The following AKT3 variants were observed in gnomAD, a reference collection of about 807,000 sequenced individuals.
AKT3 encodes RAC-gamma serine/threonine-protein kinase.
Under a neutral mutation model 65.3 loss-of-function variants are expected in AKT3, and 15 were observed. That is an observed-to-expected ratio of 0.23 (90% CI 0.15 to 0.35). AKT3 has a LOEUF of 0.35. AKT3 is among the 10% of genes least tolerant of loss of function. The pLI is 1.00. For synonymous variants in AKT3, 206 were observed against 183.8 expected (o/e 1.12, Z -0.98); for missense variants, 243 against 576.5 (o/e 0.42, Z 5.92).
chr1:243,666,239 A>G lies in AKT3; in HGVS notation c.173-1356T>C, dbSNP rs184464776. ...AGCTGATCTCGAACTCCTGACCTCA[A>G]GTGATCCGCCCGCCTCGGCCTCCCA... is the stretch of plus-strand genomic sequence containing the variant. On this transcript the variant is annotated intron_variant, in intron 3 of 13. Coordinates refer to ENST00000673466, the MANE Select transcript of AKT3 (RefSeq NM_005465.7). 2.8e-4 allele frequency among the ~76,000 whole-genome samples: 43 copies of G among 152,034 alleles called. No homozygotes were observed. In the East Asian group the frequency reaches 7.6e-3, roughly 27 times the overall value.
At chr1:243,845,351 C>T (rs12024229) in intron 1 of AKT3, among the ~76,000 whole-genome samples, 1 of 29,002 alleles carries the variant, frequency 3.4e-5, no homozygotes, top group Non-Finnish European at 7.7e-5. Flanking sequence ...AGTTTGTAAT[C>T]CCAGCACTTT....
At chr1:243,498,398 T>C (rs1668571190), downstream of AKT3, among the ~76,000 whole-genome samples, 1 of 152,146 alleles carries the variant, frequency 6.6e-6, no homozygotes, top group African/African-American at 2.4e-5. Context: ...CAGGAAATTG[T>C]CCACCTGGCT....
intron 12 of AKT3, among the ~76,000 whole-genome samples, chr1:243,543,834 C>T (rs749408459): frequency 4.6e-5 from 7 of 152,076 alleles, no homozygotes; most frequent in African/African-American, 7.2e-5. Flanking sequence ...TGAGTTGAAT[C>T]GAGTAGAGGT....
At chr1:243,689,678 T>C (rs1407677131) in intron 3 of AKT3, among the ~76,000 whole-genome samples, 2 of 152,018 alleles carry the variant, frequency 1.3e-5, no homozygotes, top group Admixed American at 6.5e-5. Flanking sequence ...ACTTTGGTCA[T>C]GCACAGTAGC....
rs550290926 is a variant in AKT3, at chr1:243,560,519, C to T, written c.948+3201G>A. On this transcript the variant is annotated intron_variant, in intron 10 of 13. Coordinates refer to ENST00000673466, the MANE Select transcript of AKT3 (RefSeq NM_005465.7). ...AAGTTGTTTCAAGATTTCTCATACT[C>T]AAATAATAACAACAATAATCACTCT... Among the ~76,000 whole-genome samples, 137 of 152,118 alleles carry T rather than the reference C, an allele frequency of 9.0e-4. 1 individual carries two copies. The highest frequency in any genetic ancestry group is 3.1e-3 in the African/African-American group (127 of 41,532).
chr1:243,736,627 A>G (rs915937985), intron 2 of AKT3, among the ~76,000 whole-genome samples: 8 of 152,322 alleles, frequency 5.3e-5, no homozygotes, highest in Non-Finnish European at 1.5e-5. Context: ...AATGAAGTGA[A>G]TGGTATTATA....
rs750605538 is a variant in AKT3, at chr1:243,664,725, G to C, written c.284+47C>G. The C allele has an allele frequency of 2.2e-5, 20 of 898,276 alleles. No homozygotes were observed. In the South Asian group the frequency reaches 3.6e-4, roughly 16 times the overall value. The allele number at this position is 898,276 out of a possible 1,614,324, so 55.6% of individuals were successfully genotyped here. ...AAAGTCAGATACAAATACATCTTTA[G>C]ATTGAGTGTTGCTTTTTCACAAAAT... On this transcript the variant is annotated intron_variant, in intron 4 of 13. Transcript: ENST00000673466.
chr1:243,701,588 A>G (rs1685462991), intron 2 of AKT3, among the ~76,000 whole-genome samples: 1 of 148,542 alleles, frequency 6.7e-6, no homozygotes, highest in Non-Finnish European at 1.5e-5. Context: ...TTTGAAATTC[A>G]TTTAGTTCAT....
At position 243,709,693 on chromosome 1, in the gene AKT3, G is replaced by A. The variant is rs547703237; in HGVS notation, c.47-13977C>T. 7.2e-4 allele frequency among the ~76,000 whole-genome samples: 109 copies of A among 151,884 alleles called. 1 individual carries two copies. The highest frequency in any genetic ancestry group is 2.6e-3 in the African/African-American group (106 of 41,474). On this transcript the variant is annotated intron_variant, in intron 2 of 13. Transcript: ENST00000673466. ...ACAGTTGAACATACTACAAATTCAGGGAAGGGAATGAAGGTCATTTTATAA... is the reference window on the plus strand; with the variant it reads ...ACAGTTGAACATACTACAAATTCAGAGAAGGGAATGAAGGTCATTTTATAA...
intron 2 of AKT3, among the ~76,000 whole-genome samples, chr1:243,828,112 C>T (rs1210167944): frequency 2.6e-5 from 4 of 151,752 alleles, no homozygotes; most frequent in African/African-American, 7.3e-5. Flanking sequence ...GGCAAGTATC[C>T]CGACTGTCTA....
chr1:243,810,103 CAATT>C (rs1358419299), intron 2 of AKT3, among the ~76,000 whole-genome samples: 2 of 151,674 alleles, frequency 1.3e-5, no homozygotes, highest in African/African-American at 4.8e-5. Flanking sequence ...ACTGACATCA[CAATT>C]AAAAGAACTA....
At chr1:243,562,830 A>G (rs1362306050) in intron 10 of AKT3, among the ~76,000 whole-genome samples, 2 of 152,278 alleles carry the variant, frequency 1.3e-5, no homozygotes, top group East Asian at 1.9e-4. Context: ...GAGACCTCAT[A>G]CATAGTGGAG....
chr1:243,795,461 TG>T (rs1442330142), intron 2 of AKT3, among the ~76,000 whole-genome samples: 33 of 123,076 alleles, frequency 2.7e-4, no homozygotes, highest in African/African-American at 7.0e-4. Flanking sequence ...TTTTTTTTTT[TG>T]TTTTTTTTTT....
At chr1:243,652,601 C>T (rs1681439015) in intron 4 of AKT3, among the ~76,000 whole-genome samples, 1 of 151,808 alleles carries the variant, frequency 6.6e-6, no homozygotes, top group Non-Finnish European at 1.5e-5. Flanking sequence ...ACAATACTAA[C>T]CTTAAATGTA....
At chr1:243,751,115 A>T (rs1324994163) in intron 2 of AKT3, among the ~76,000 whole-genome samples, 1 of 152,010 alleles carries the variant, frequency 6.6e-6, no homozygotes, top group Non-Finnish European at 1.5e-5. Context: ...TCTAATTTAC[A>T]CCAAACTCAA....
intron 12 of AKT3, among the ~76,000 whole-genome samples, chr1:243,533,250 C>A (rs1342497619): frequency 6.6e-6 from 1 of 152,104 alleles, no homozygotes; most frequent in African/African-American, 2.4e-5. Flanking sequence ...TGCATCTACA[C>A]ATGGAACTAA....
chr1:243,651,172 G>A (rs928858219), intron 4 of AKT3, among the ~76,000 whole-genome samples: 9 of 152,124 alleles, frequency 5.9e-5, no homozygotes, highest in Non-Finnish European at 1.0e-4. Context: ...AATTGTGAAT[G>A]GGAGTTCACT....
At chr1:243,765,141 A>G (rs1394541961) in intron 2 of AKT3, among the ~76,000 whole-genome samples, 1 of 152,130 alleles carries the variant, frequency 6.6e-6, no homozygotes, top group African/African-American at 2.4e-5. Context: ...AAAAATCTAA[A>G]AAGTCCTAAG....
At chr1:243,706,137 A>G (rs764643166) in intron 2 of AKT3, among the ~76,000 whole-genome samples, 6 of 152,226 alleles carry the variant, frequency 3.9e-5, no homozygotes, top group Non-Finnish European at 5.9e-5. Context: ...CAGTGAGTCC[A>G]TAACGCAAGA....
Sources: gnomAD v4.1 joint callset for allele counts (sites outside exome capture counted in the v4.1 genomes callset) on GRCh38, gnomAD v4.1.1 for gene constraint, MANE v1.5 for transcripts, NCBI Gene and HGNC (gene_info 2026-07-23, HGNC 2026-07-21) for gene names.